Variants in ROCK2 observed in about 807,000 individuals in gnomAD.
ROCK2 encodes the protein rho-associated protein kinase 2.
ROCK2 carries 61 observed loss-of-function variants against 195.1 expected under a neutral mutation model. The observed-to-expected ratio is 0.31, with a 90% CI of 0.25 to 0.39. ROCK2 has a LOEUF of 0.39. Among genes scored for constraint, ROCK2 ranks in the 10% least tolerant of loss-of-function variants. The pLI is 1.00. For missense variants in ROCK2, 1,109 were observed against 1,637.4 expected, an observed-to-expected ratio of 0.68 and a Z score of 5.57; for synonymous variants, 504 against 545.5, an observed-to-expected ratio of 0.92 and a Z score of 1.06.
intron 3 of ROCK2, 37 bp from the exon 4 acceptor site, chr2:11,249,835 A>G (rs1437925661): frequency 2.1e-6 from 3 of 1,412,440 alleles, no homozygotes; most frequent in Non-Finnish European, 2.8e-6. Flanking sequence ...TAATACTTTC[A>G]TGTTATGAGA....
chr2:11,284,307 T>C (rs1419007868), intron 3 of ROCK2, among the ~76,000 whole-genome samples: 1 of 152,128 alleles, frequency 6.6e-6, no homozygotes, highest in Non-Finnish European at 1.5e-5. Flanking sequence ...CTATGTATAA[T>C]AGTATAACGA....
intron 3 of ROCK2, among the ~76,000 whole-genome samples, chr2:11,284,256 G>C (rs1229192928): frequency 6.6e-6 from 1 of 152,144 alleles, no homozygotes; most frequent in Non-Finnish European, 1.5e-5. Context: ...GCTGGGAGAT[G>C]AATAGGCACA....
At position 11,218,994 on chromosome 2, in the gene ROCK2, G is replaced by T. The variant is rs2230774; in HGVS notation, c.1292C>A (p.Thr431Asn). 702,033 of 1,421,884 alleles carry T rather than the reference G, an allele frequency of 0.49. 179,796 individuals carry two copies. The highest frequency in any genetic ancestry group is 0.54 in the Admixed American group (26,460 of 48,700). The allele number at this position is 1,421,884 out of a possible 1,614,324, so 88.1% of individuals were successfully genotyped here. Residue 431 changes from threonine to asparagine, a missense_variant, in exon 10 of 33, where the codon ACT becomes AAT. By Grantham distance (65) the Thr-to-Asn change is moderately conservative. Transcript: ENST00000315872. ...ATTTTTCCTTGATTGTATGGAATCAGTTTCTCTACAAGATGGAGAGTCACT... is the reference window on the plus strand; with the variant it reads ...ATTTTTCCTTGATTGTATGGAATCATTTTCTCTACAAGATGGAGAGTCACT... ...LLSDSPSCRE[T>N]DSIQSRKNEE...
At chr2:11,273,885 C>T (rs1212751191) in intron 3 of ROCK2, among the ~76,000 whole-genome samples, 5 of 148,900 alleles carry the variant, frequency 3.4e-5, no homozygotes, top group South Asian at 2.2e-4. Context: ...GCCGAGGTTG[C>T]GCCACTGCAC....
chr2:11,260,019 C>T (rs1447359016), intron 3 of ROCK2, among the ~76,000 whole-genome samples: 2 of 151,530 alleles, frequency 1.3e-5, no homozygotes, highest in African/African-American at 2.5e-5. Flanking sequence ...TTATCCTAGA[C>T]TTGAAACTAG....
chr2:11,337,526 C>T (rs2148275872), intron 1 of ROCK2, among the ~76,000 whole-genome samples: 1 of 152,238 alleles, frequency 6.6e-6, no homozygotes, highest in South Asian at 2.1e-4. Context: ...AAATCGAAAT[C>T]ACATTTTAAA....
intron 7 of ROCK2, among the ~76,000 whole-genome samples, chr2:11,223,278 TG>T (rs1428694301): frequency 6.6e-6 from 1 of 151,960 alleles, no homozygotes; most frequent in Non-Finnish European, 1.5e-5. Context: ...TCCTCTTTGA[TG>T]AAAAAAAGAA....
intron 3 of ROCK2, among the ~76,000 whole-genome samples, chr2:11,280,573 T>G (rs373399347): frequency 1.3e-5 from 2 of 151,828 alleles, no homozygotes; most frequent in East Asian, 3.9e-4. Flanking sequence ...GAGGTTACAG[T>G]GAGCTGAGAT....
chr2:11,263,344 G>C (rs761687679), intron 3 of ROCK2, among the ~76,000 whole-genome samples: 1 of 152,122 alleles, frequency 6.6e-6, no homozygotes, highest in Non-Finnish European at 1.5e-5. Flanking sequence ...TGAAAGACAA[G>C]AAAAATCTAA....
At chr2:11,316,211 C>A (rs1047342658) in intron 1 of ROCK2, among the ~76,000 whole-genome samples, 1 of 152,024 alleles carries the variant, frequency 6.6e-6, no homozygotes, top group South Asian at 2.1e-4. Flanking sequence ...ATAAATACTA[C>A]GTATATCCAG....
intron 3 of ROCK2, among the ~76,000 whole-genome samples, chr2:11,272,869 C>CAAAA (rs34327134): frequency 0.013 from 1,307 of 99,186 alleles, 21 homozygotes; most frequent in African/African-American, 0.052. Flanking sequence ...GACTCTGTCT[C>CAAAA]AAAAAAAAAA....
chr2:11,184,652 A>G (rs1238740937), intron 32 of ROCK2: 1 of 985,128 alleles, frequency 1.0e-6, no homozygotes, highest in Non-Finnish European at 1.2e-6. Context: ...CTGATTTTTC[A>G]TTTTTTGATT....
At chr2:11,309,046 T>A (rs1667951679) in intron 1 of ROCK2, 2 of 1,503,298 alleles carry the variant, frequency 1.3e-6, no homozygotes, top group Non-Finnish European at 1.8e-6. Flanking sequence ...AAGCAAGCCG[T>A]ACCCAGACCA....
chr2:11,344,714 C>CT (rs1669239283), upstream of ROCK2: 1 of 148,062 alleles, frequency 6.8e-6, no homozygotes, highest in Admixed American at 6.7e-5. This position sits in a 1 kb window ranked among gnomAD's most constrained non-coding sequence, Gnocchi z 5.4. Context: ...CCTGCGCGCG[C>CT]TCCGCCCCGC....
intron 1 of ROCK2, among the ~76,000 whole-genome samples, chr2:11,340,769 T>C (rs571048995): frequency 6.6e-6 from 1 of 152,314 alleles, no homozygotes; most frequent in South Asian, 2.1e-4. Context: ...CAAATTATTT[T>C]ATGTTTTATG....
chr2:11,248,141 G>A (rs538034838), intron 4 of ROCK2, among the ~76,000 whole-genome samples: 1 of 145,922 alleles, frequency 6.9e-6, no homozygotes, highest in African/African-American at 2.5e-5. Flanking sequence ...GAGGGAGCAG[G>A]AATGAGGATC....
At chr2:11,273,479 A>G (rs1436038417) in intron 3 of ROCK2, among the ~76,000 whole-genome samples, 2 of 152,232 alleles carry the variant, frequency 1.3e-5, no homozygotes, top group Admixed American at 1.3e-4. Context: ...TTATAGACCT[A>G]GTAACAGACC....
At chr2:11,335,717 T>C (rs1484203665) in intron 1 of ROCK2, among the ~76,000 whole-genome samples, 1 of 152,182 alleles carries the variant, frequency 6.6e-6, no homozygotes, top group African/African-American at 2.4e-5. Context: ...GGAAATTTAA[T>C]ACCTAGACAA....
At chr2:11,305,790 G>A (rs1325315818) in intron 1 of ROCK2, among the ~76,000 whole-genome samples, 1 of 152,168 alleles carries the variant, frequency 6.6e-6, no homozygotes, top group Non-Finnish European at 1.5e-5. Context: ...AGTTATGTAA[G>A]ATATAAACAC....
Sources: gnomAD v4.1 joint callset for allele counts (sites outside exome capture counted in the v4.1 genomes callset) on GRCh38, gnomAD v4.1.1 for gene constraint, Gnocchi (gnomAD v3.1) non-coding constraint, MANE v1.5 for transcripts, NCBI Gene and HGNC (gene_info 2026-07-23, HGNC 2026-07-21) for gene names.